SNPH: variants seen among roughly 807,000 people sequenced by gnomAD.
The protein encoded by SNPH is syntaphilin.
Under a neutral mutation model 36.8 loss-of-function variants are expected in SNPH, and 10 were observed. That is an observed-to-expected ratio of 0.27 (90% confidence interval 0.17 to 0.46). The LOEUF (loss-of-function observed/expected upper bound fraction) is 0.46. SNPH is among the 20% of genes least tolerant of loss of function. The pLI is 1.00. For synonymous variants in SNPH, 281 were observed against 312.2 expected (o/e 0.90, Z 1.05); for missense variants, 622 against 744.0 (o/e 0.84, Z 1.91).
At chr20:1,283,340 C>T (rs1310167596) in intron 2 of SNPH, among the ~76,000 whole-genome samples, 2 of 152,198 alleles carry the variant, frequency 1.3e-5, no homozygotes, top group African/African-American at 4.8e-5. Flanking sequence ...GTGCCACCCA[C>T]CCCCACGCTG....
At chr20:1,278,184 A>C (rs1332922568) in intron 2 of SNPH, among the ~76,000 whole-genome samples, 1 of 127,142 alleles carries the variant, frequency 7.9e-6, no homozygotes, top group Non-Finnish European at 1.7e-5. Flanking sequence ...GTGTGTGTGT[A>C]TCTGTGTCTC....
At position 1,296,255 on chromosome 20, in the gene SNPH, C is replaced by T; in HGVS notation, c.16C>T (p.Pro6Ser). Residue 6 changes from proline to serine, a missense_variant, in exon 4 of 7, where the codon CCC (proline) becomes TCC (serine). Pro to Ser is a moderately conservative substitution (Grantham distance 74, BLOSUM62 -1). Around this residue, in one of 3 missense-constraint regions of SNPH, gnomAD observed 187 missense variants for 209.4 expected, o/e 0.89. Coordinates refer to ENST00000381867, the MANE Select transcript of SNPH (RefSeq NM_001318234.2). Reference protein sequence around the residue: MPGSGPSERMTWPGPA... With the variant: MPGSGSSERMTWPGPA... ...AAGAGAAGCCATGCCGGGCAGCGGC[C>T]CCAGCGAGAGGATGACGTGGCCTGG... is the stretch of plus-strand genomic sequence containing the variant. 1 of 1,535,896 alleles carries T rather than the reference C, an allele frequency of 6.5e-7. No homozygotes were observed. The highest frequency in any genetic ancestry group is 8.8e-7 in the Non-Finnish European group (1 of 1,142,398).
intron 2 of SNPH, among the ~76,000 whole-genome samples, chr20:1,279,577 G>C (rs1193011921): frequency 6.6e-6 from 1 of 150,432 alleles, no homozygotes. Context: ...GAGTGAGAGA[G>C]ACACTGATAG....
At chr20:1,300,971 C>T (rs1195834151) in intron 6 of SNPH, among the ~76,000 whole-genome samples, 1 of 152,262 alleles carries the variant, frequency 6.6e-6, no homozygotes, top group Non-Finnish European at 1.5e-5. Context: ...TGTGGGGCCT[C>T]CTGCCTGTGC....
chr20:1,291,477 G>GAGCA (rs1681712122), intron 2 of SNPH, among the ~76,000 whole-genome samples: 2 of 152,236 alleles, frequency 1.3e-5, no homozygotes, highest in Non-Finnish European at 1.5e-5. Flanking sequence ...AGCCCTGGTA[G>GAGCA]TGCTAATCTT....
chr20:1,303,303 A>C (rs2088525900), intron 6 of SNPH, among the ~76,000 whole-genome samples: 1 of 152,154 alleles, frequency 6.6e-6, no homozygotes, highest in South Asian at 2.1e-4. Context: ...CGCACTTCAG[A>C]TGTGATGCCC....
intron 2 of SNPH, among the ~76,000 whole-genome samples, chr20:1,289,512 TACACACACACACACACAC>T (rs56289024): frequency 0.015 from 2,057 of 137,744 alleles, 24 homozygotes; most frequent in Non-Finnish European, 0.023. Context: ...TTCATTTAAA[TACACACACACACACACAC>T]ACACACACAC....
intron 5 of SNPH, among the ~76,000 whole-genome samples, chr20:1,298,077 G>A (rs1029608422): frequency 1.3e-5 from 2 of 152,240 alleles, no homozygotes; most frequent in African/African-American, 4.8e-5. Context: ...TGTCATGGTA[G>A]GCCTTGTCCT....
chr20:1,296,082 G>A lies in SNPH; in HGVS notation c.-158G>A, dbSNP rs1244387087. 3 of 593,090 alleles carry A rather than the reference G, an allele frequency of 5.1e-6. No individual in the cohort carries two copies. Among genetic ancestry groups the A allele is most frequent in the Non-Finnish European group, 5.7e-6 (2 of 352,398 alleles). The allele number at this position is 593,090 out of a possible 1,614,324, so 36.7% of individuals were successfully genotyped here. The stretch of plus-strand genomic sequence containing the variant: ...CATTCACTCATCTGGAGAACACAGG[G>A]TTGGACTGATTACTTTTAGCCACTC... On this transcript the variant is annotated 5_prime_UTR_variant, in exon 4 of 7. Coordinates refer to ENST00000381867, the MANE Select transcript of SNPH (RefSeq NM_001318234.2).
chr20:1,269,317 T>G (rs562268559), intron 2 of SNPH, among the ~76,000 whole-genome samples: 1 of 152,358 alleles, frequency 6.6e-6, no homozygotes, highest in Non-Finnish European at 1.5e-5. Flanking sequence ...ATCAGACAAC[T>G]ATGATTACCC....
intron 2 of SNPH, among the ~76,000 whole-genome samples, chr20:1,270,219 G>A (rs1406445003): frequency 6.6e-6 from 1 of 152,200 alleles, no homozygotes; most frequent in African/African-American, 2.4e-5. Context: ...TAGGCCCTGG[G>A]CTAAGTGCAT....
At chr20:1,295,409 G>A (rs1350564809) in intron 3 of SNPH, among the ~76,000 whole-genome samples, 2 of 152,188 alleles carry the variant, frequency 1.3e-5, no homozygotes, top group Non-Finnish European at 2.9e-5. Flanking sequence ...GAGGCCCAGT[G>A]ATGGGTCTCT....
chr20:1,300,634 C>G lies in SNPH; in HGVS notation c.363C>G (p.Thr121=), dbSNP rs752270989. 1 of 1,613,562 alleles carries G rather than the reference C, an allele frequency of 6.2e-7. No homozygotes were observed. Residue 121 remains threonine, a synonymous_variant, in exon 6 of 7, where the codon ACC becomes ACG. Transcript: ENST00000381867. ...IKPPTPEQYL[T]PLQQKEVCIR... is the part of the protein sequence containing the mutation. ...CCCCGACCCCGGAGCAGTACCTGAC[C>G]CCCCTGCAGCAGAAGGAGGTGTGCA...
At chr20:1,303,998 G>A (rs2088535990) in intron 6 of SNPH, among the ~76,000 whole-genome samples, 1 of 152,034 alleles carries the variant, frequency 6.6e-6, no homozygotes, top group African/African-American at 2.4e-5. Context: ...TAGACCTGAT[G>A]GCATATTTTT....
At chr20:1,267,659 C>G (rs1349941466) in intron 2 of SNPH, among the ~76,000 whole-genome samples, 1 of 152,210 alleles carries the variant, frequency 6.6e-6, no homozygotes, top group Non-Finnish European at 1.5e-5. Flanking sequence ...TAGTATATCA[C>G]TCAAGCAGCT....
At chr20:1,293,156 G>C (rs1159757744) in intron 2 of SNPH, among the ~76,000 whole-genome samples, 1 of 152,234 alleles carries the variant, frequency 6.6e-6, no homozygotes, top group East Asian at 1.9e-4. Flanking sequence ...GCTGAAGGGT[G>C]CCAGAGCTGG....
intron 2 of SNPH, among the ~76,000 whole-genome samples, chr20:1,292,854 C>G (rs2088380050): frequency 6.6e-6 from 1 of 152,220 alleles, no homozygotes; most frequent in Non-Finnish European, 1.5e-5. Context: ...ATTCATCCCT[C>G]AAGACCCAGT....
At chr20:1,289,082 T>C (rs1326812327) in intron 2 of SNPH, among the ~76,000 whole-genome samples, 1 of 152,222 alleles carries the variant, frequency 6.6e-6, no homozygotes, top group African/African-American at 2.4e-5. Flanking sequence ...TTTTCTTTTA[T>C]GCAGCAGAAT....
chr20:1,281,627 C>T (rs2088224402), intron 2 of SNPH, among the ~76,000 whole-genome samples: 1 of 152,236 alleles, frequency 6.6e-6, no homozygotes, highest in Admixed American at 6.5e-5. Context: ...CCTCCACAGG[C>T]AGCTCCTGGG....
Sources: gnomAD v4.1 joint callset for allele counts (sites outside exome capture counted in the v4.1 genomes callset) on GRCh38, gnomAD v4.1.1 for gene constraint, gnomAD v4.1.1 regional missense constraint, MANE v1.5 for transcripts, NCBI Gene and HGNC (gene_info 2026-07-23, HGNC 2026-07-21) for gene names.